SDCBP: variants seen among roughly 807,000 people sequenced by gnomAD.
SDCBP encodes syntenin-1.
In SDCBP, 22 loss-of-function variants were observed where a neutral mutation model predicts 30.5. The ratio of observed to expected loss-of-function variants is 0.72; its 90% CI spans 0.52 to 1.03. The LOEUF (loss-of-function observed/expected upper bound fraction) is 1.03. SDCBP is among the 50% of genes least tolerant of loss of function. The pLI, the probability that SDCBP is intolerant of heterozygous loss-of-function variation, is 0.00. For synonymous variants in SDCBP, 103 were observed against 118.7 expected, an observed-to-expected ratio of 0.87 and a Z score of 0.86; for missense variants, 304 against 369.9, an observed-to-expected ratio of 0.82 and a Z score of 1.46.
intron 1 of SDCBP, among the ~76,000 whole-genome samples, chr8:58,557,187 G>C (rs1804175469): frequency 8.1e-6 from 1 of 123,144 alleles, no homozygotes; most frequent in South Asian, 2.4e-4. Context: ...ATATAATATA[G>C]TATTATTATA....
At chr8:58,580,867 G>C (rs1805650554) in intron 8 of SDCBP, among the ~76,000 whole-genome samples, 1 of 152,140 alleles carries the variant, frequency 6.6e-6, no homozygotes, top group South Asian at 2.1e-4. Context: ...AGGAGAAGTG[G>C]GCATGCTTTC....
At chr8:58,567,172 A>G (rs939798549) in intron 2 of SDCBP, among the ~76,000 whole-genome samples, 1 of 152,218 alleles carries the variant, frequency 6.6e-6, no homozygotes, top group African/African-American at 2.4e-5. Flanking sequence ...GTTTGAAATA[A>G]GTAGCTACAT....
chr8:58,572,304 C>T lies in SDCBP; in HGVS notation c.230C>T (p.Pro77Leu). ...AATGTGGCCGTGGTTTCTGGTGCAC[C>T]ACTTCAGGGGGTATGTATAGTGTAA... ...RANVAVVSGA[P>L]LQGQLVARPS... The change falls in exon 4 of 9, where the codon CCA (proline) becomes CTA (leucine). Residue 77 changes from proline to leucine, a missense_variant. Coordinates refer to ENST00000260130, the MANE Select transcript of SDCBP (RefSeq NM_005625.4). 1 of 1,594,510 alleles carries T rather than the reference C, an allele frequency of 6.3e-7. No homozygotes were observed. Among genetic ancestry groups the T allele is most frequent in the Non-Finnish European group, 8.6e-7 (1 of 1,163,020 alleles).
At position 58,579,733 on chromosome 8, in the gene SDCBP, A is replaced by G. The variant is rs935673158; in HGVS notation, c.689A>G (p.Asn230Ser). Residue 230 changes from asparagine to serine, a missense_variant, in exon 7 of 9, where the codon AAT becomes AGT. Physicochemically the swap from Asn to Ser is conservative, Grantham distance 46. Coordinates refer to ENST00000260130, the MANE Select transcript of SDCBP (RefSeq NM_005625.4). ...GTGAAAGATAGCTCTGCAGCCAGAAATGGTCTTCTCACGGAACATAACATC... is the reference window on the plus strand; with the variant it reads ...GTGAAAGATAGCTCTGCAGCCAGAAGTGGTCTTCTCACGGAACATAACATC... ...SIVKDSSAAR[N>S]GLLTEHNICE... 6.2e-7 allele frequency: 1 copy of G among 1,613,078 alleles called. No individual in the cohort carries two copies. The highest frequency in any genetic ancestry group is 1.3e-5 in the African/African-American group (1 of 74,894).
intron 5 of SDCBP, among the ~76,000 whole-genome samples, chr8:58,576,678 A>T (rs186263792): frequency 3.7e-4 from 56 of 152,264 alleles, no homozygotes; most frequent in African/African-American, 1.3e-3. Context: ...ATTACCTCTC[A>T]CCTTAACATA....
intron 1 of SDCBP, chr8:58,561,189 A>C (rs1804422663): frequency 1.3e-5 from 2 of 152,214 alleles, no homozygotes; most frequent in Admixed American, 6.5e-5. Context: ...GAGAAGCAAA[A>C]AGAAAAAAAA....
Position 58,580,552 on chromosome 8 carries a change from G to A in SDCBP, c.786G>A (p.Gly262=). The A allele has an allele frequency of 6.3e-7, 1 of 1,596,098 alleles. No individual in the cohort carries two copies. Among genetic ancestry groups the A allele is most frequent in the Non-Finnish European group, 8.6e-7 (1 of 1,164,292 alleles). The change falls in exon 8 of 9, where the codon GGG becomes GGA. Residue 262 remains glycine, a synonymous_variant. Coordinates refer to ENST00000260130, the MANE Select transcript of SDCBP (RefSeq NM_005625.4). ...SQIADILSTS[G]TVVTITIMPA... is the part of the protein sequence containing the mutation. ...TTGCAGACATACTGTCAACATCTGGGACTGTAGTTACTATTACAATCATGC... is the reference window on the plus strand; with the variant it reads ...TTGCAGACATACTGTCAACATCTGGAACTGTAGTTACTATTACAATCATGC...
At position 58,579,634 on chromosome 8, in the gene SDCBP, G is replaced by A. The variant is rs756701491; in HGVS notation, c.590G>A (p.Arg197Gln). The A allele has an allele frequency of 1.7e-5, 27 of 1,566,276 alleles. No homozygotes were observed. The East Asian group carries it at 3.2e-4, about 19-fold the overall frequency. ...AATTATGTTTGTAGGCCCTTTGAAC[G>A]GACGATTACCATGCATAAGGATAGC... The part of the protein sequence containing the change: ...TMTIRDRPFE[R>Q]TITMHKDSTG... Residue 197 changes from arginine (R) to glutamine (Q), a missense_variant, in exon 7 of 9, where the codon CGG (arginine) becomes CAG (glutamine). Physicochemically the swap from Arg to Gln is conservative, Grantham distance 43. Transcript: ENST00000260130.
chr8:58,579,907 T>G, intron 7 of SDCBP, 113 bp downstream of exon 7: 1 of 994,910 alleles, frequency 1.0e-6, no homozygotes, highest in Non-Finnish European at 1.4e-6. Context: ...ATGGGGAACG[T>G]GGGGCCTGAA....
At chr8:58,572,956 G>A (rs554632500) in intron 4 of SDCBP, among the ~76,000 whole-genome samples, 50 of 151,630 alleles carry the variant, frequency 3.3e-4, no homozygotes, top group Admixed American at 8.5e-4. Context: ...ACAAGCGCGC[G>A]CCACCATGCC....
chr8:58,557,435 A>G (rs1804205781), intron 1 of SDCBP, among the ~76,000 whole-genome samples: 1 of 135,270 alleles, frequency 7.4e-6, no homozygotes, highest in South Asian at 2.3e-4. Context: ...TATTATATAT[A>G]ATACATATAA....
At chr8:58,579,537 C>A in intron 6 of SDCBP, 86 bp from the exon 7 acceptor site, 2 of 980,264 alleles carry the variant, frequency 2.0e-6, no homozygotes, top group South Asian at 2.9e-5. Context: ...TAAAAGTATC[C>A]AATATGGCAA....
intron 4 of SDCBP, among the ~76,000 whole-genome samples, chr8:58,575,328 C>T (rs1339630921): frequency 6.6e-6 from 1 of 152,126 alleles, no homozygotes; most frequent in Non-Finnish European, 1.5e-5. Context: ...GTATATGACA[C>T]AGGTCCCTAA....
Position 58,578,110 on chromosome 8 carries a change from G to C in SDCBP, c.480G>C (p.Gln160His), listed in dbSNP as rs943829698. 6.2e-7 allele frequency: 1 copy of C among 1,614,016 alleles called. No homozygotes were observed. The highest frequency in any genetic ancestry group is 1.1e-5 in the South Asian group (1 of 91,080). The change falls in exon 6 of 9, where the codon CAG (glutamine) becomes CAC (histidine). Residue 160 changes from glutamine to histidine, a missense_variant. Coordinates refer to ENST00000260130, the MANE Select transcript of SDCBP (RefSeq NM_005625.4). The part of the protein sequence containing the change: ...VGLRFGDQVL[Q>H]INGENCAGWS... ...TGAGATTTGGGGACCAAGTACTTCA[G>C]ATCAATGGTGAAAACTGTGCAGGAT...
intron 2 of SDCBP, 34 bp from the exon 3 acceptor site, chr8:58,570,853 C>T (rs368583316): frequency 3.5e-5 from 49 of 1,408,210 alleles, no homozygotes; most frequent in Non-Finnish European, 4.6e-5. Context: ...GTAAGTATAG[C>T]ATATTGTTAG....
Position 58,572,260 on chromosome 8 carries a change from T to A in SDCBP, c.186T>A (p.Asn62Lys). 1 of 1,612,546 alleles carries A rather than the reference T, an allele frequency of 6.2e-7. No homozygotes were observed. The highest frequency in any genetic ancestry group is 8.5e-7 in the Non-Finnish European group (1 of 1,179,800). Residue 62 changes from asparagine to lysine, a missense_variant, in exon 4 of 9, where the codon AAT (asparagine) becomes AAA (lysine). Transcript: ENST00000260130. ...CTCAATACATGGGGCTGAGTTTAAA[T>A]GAAGAAGAAATACGTGCAAATGTGG... ...ELSQYMGLSLNEEEIRANVAV... is the reference protein window; with the variant it reads ...ELSQYMGLSLKEEEIRANVAV...
intron 1 of SDCBP, among the ~76,000 whole-genome samples, chr8:58,554,845 C>G (rs1198533398): frequency 6.6e-6 from 1 of 152,168 alleles, no homozygotes; most frequent in East Asian, 1.9e-4. Context: ...AATTTCTTTT[C>G]AAGTGCTGCC....
chr8:58,564,674 C>G (rs1262467579), intron 1 of SDCBP, among the ~76,000 whole-genome samples: 1 of 152,174 alleles, frequency 6.6e-6, no homozygotes, highest in Admixed American at 6.5e-5. Flanking sequence ...GTTTCCTAGT[C>G]CTGGCTAAGT....
chr8:58,557,828 C>T lies in SDCBP; in HGVS notation c.-16+4525C>T, dbSNP rs773925318. 2.8e-4 allele frequency among the ~76,000 whole-genome samples: 43 copies of T among 152,100 alleles called. 1 individual carries two copies. The highest frequency in any genetic ancestry group is 2.6e-4 in the Non-Finnish European group (18 of 68,008). ...TTATCTTCTTAGTGATTACTCAGCT[C>T]GAAGGAAAGCCTAGAAACAAAATTC... On this transcript the variant is annotated intron_variant, in intron 1 of 8. Transcript: ENST00000260130.
Sources: gnomAD v4.1 joint callset for allele counts (sites outside exome capture counted in the v4.1 genomes callset) on GRCh38, gnomAD v4.1.1 for gene constraint, MANE v1.5 for transcripts, NCBI Gene and HGNC (gene_info 2026-07-23, HGNC 2026-07-21) for gene names.